The following NRXN3 variants were observed in gnomAD, a reference collection of about 807,000 sequenced individuals.
NRXN3 encodes neurexin 3, also known as neurexin III.
In NRXN3, 32 loss-of-function variants were observed where a neutral mutation model predicts 137.6. The observed-to-expected ratio is 0.23, with a 90% CI of 0.18 to 0.31. NRXN3 has a LOEUF of 0.31. Ranked by LOEUF, NRXN3 falls within the 10% of genes least tolerant of loss-of-function variation. The pLI, the probability that NRXN3 is intolerant of heterozygous loss-of-function variation, is 1.00. For synonymous variants in NRXN3, 798 were observed against 784.5 expected (o/e 1.02, Z -0.29); for missense variants, 1,574 against 2,062.5 (o/e 0.76, Z 4.59).
intron 4 of NRXN3, among the ~76,000 whole-genome samples, chr14:78,326,273 C>T (rs75000663): frequency 0.16 from 24,440 of 152,220 alleles, 2,070 homozygotes; most frequent in Middle Eastern, 0.22. Context: ...CTCATCTCTA[C>T]ACTGACCCAG....
At chr14:79,330,669 G>A (rs1328178044) in intron 15 of NRXN3, among the ~76,000 whole-genome samples, 2 of 152,140 alleles carry the variant, frequency 1.3e-5, no homozygotes, top group Non-Finnish European at 2.9e-5. Flanking sequence ...TTAGACCAGC[G>A]ACAGCAGATA....
At chr14:78,961,423 C>T (rs914490012) in intron 11 of NRXN3, among the ~76,000 whole-genome samples, 1 of 151,878 alleles carries the variant, frequency 6.6e-6, no homozygotes, top group Non-Finnish European at 1.5e-5. Flanking sequence ...CACTGGGGGA[C>T]ATATAGAAGA....
chr14:79,426,923 G>T (rs1206348613), intron 15 of NRXN3, among the ~76,000 whole-genome samples: 1 of 152,104 alleles, frequency 6.6e-6, no homozygotes, highest in Non-Finnish European at 1.5e-5. Context: ...TCTTTAGCCT[G>T]CGTCTGTTTT....
In NRXN3 at chr14:79,211,951, G is replaced by A. The variant is rs140591100; in HGVS notation, c.3262+223810G>A. On this transcript the variant is annotated intron_variant, in intron 15 of 20. Transcript: ENST00000335750. ...AATTAAAACACTTGAGGCTGGACTTGTCAAGAGACCTATTTTTGTTTTGTT... is the reference window on the plus strand; with the variant it reads ...AATTAAAACACTTGAGGCTGGACTTATCAAGAGACCTATTTTTGTTTTGTT... 2.6e-5 allele frequency among the ~76,000 whole-genome samples: 4 copies of A among 152,300 alleles called. No homozygotes were observed. In the East Asian group the frequency reaches 7.7e-4, roughly 29 times the overall value.
intron 3 of NRXN3, chr14:78,282,358 A>G (rs947931569): frequency 6.0e-6 from 2 of 334,696 alleles, no homozygotes; most frequent in Admixed American, 7.5e-5. Flanking sequence ...TCTGGGTGTG[A>G]GACCCTTCTT....
intron 16 of NRXN3, among the ~76,000 whole-genome samples, chr14:79,651,072 G>GTAAT (rs2098473506): frequency 6.6e-6 from 1 of 152,208 alleles, no homozygotes; most frequent in Non-Finnish European, 1.5e-5. Flanking sequence ...CAATTAACTG[G>GTAAT]TAATAGGATG....
At chr14:78,239,302 C>G (rs1023998251) in intron 1 of NRXN3, among the ~76,000 whole-genome samples, 1 of 152,162 alleles carries the variant, frequency 6.6e-6, no homozygotes, top group Non-Finnish European at 1.5e-5. Context: ...GTAAACTTGT[C>G]CCCCACTAGT....
chr14:79,825,588 C>T, intron 20 of NRXN3, among the ~76,000 whole-genome samples: 1 of 152,204 alleles, frequency 6.6e-6, no homozygotes, highest in East Asian at 1.9e-4. Flanking sequence ...AAGTGCTTCA[C>T]TTTAACTTTT....
chr14:78,547,936 T>C (rs972252100), intron 4 of NRXN3, among the ~76,000 whole-genome samples: 1 of 152,146 alleles, frequency 6.6e-6, no homozygotes, highest in Non-Finnish European at 1.5e-5. Context: ...GCATTATTAA[T>C]ACAGTTCAGG....
chr14:79,725,756 C>T (rs1351357909), intron 19 of NRXN3, among the ~76,000 whole-genome samples: 1 of 152,104 alleles, frequency 6.6e-6, no homozygotes, highest in Non-Finnish European at 1.5e-5. Context: ...TATGAATAAA[C>T]AACACTAGCT....
chr14:79,368,704 A>AT (rs1254917700), intron 15 of NRXN3, among the ~76,000 whole-genome samples: 3 of 152,238 alleles, frequency 2.0e-5, no homozygotes, highest in African/African-American at 7.2e-5. Flanking sequence ...TACCAGGAAA[A>AT]TAAAAGCAGC....
chr14:79,409,964 T>C (rs78229510), intron 15 of NRXN3, among the ~76,000 whole-genome samples: 5,037 of 151,884 alleles, frequency 0.033, 291 homozygotes, highest in African/African-American at 0.12. Context: ...TGTCTTTGGG[T>C]AAAAGGAATA....
chr14:79,292,797 A>G (rs1362287421), intron 15 of NRXN3, among the ~76,000 whole-genome samples: 2 of 152,236 alleles, frequency 1.3e-5, no homozygotes, highest in Non-Finnish European at 2.9e-5. Context: ...TGTAACAGAA[A>G]ACCTTCATAG....
intron 2 of NRXN3, among the ~76,000 whole-genome samples, chr14:78,270,135 T>C (rs1198104545): frequency 6.6e-6 from 1 of 152,166 alleles, no homozygotes; most frequent in African/African-American, 2.4e-5. Context: ...AGAGCCAGGA[T>C]TGTCATCCAA....
chr14:79,349,532 C>T (rs1458398302), intron 15 of NRXN3, among the ~76,000 whole-genome samples: 3 of 137,724 alleles, frequency 2.2e-5, no homozygotes, highest in Non-Finnish European at 3.0e-5. Flanking sequence ...CCGTCCTCCC[C>T]GGGAAAAAAA....
chr14:78,845,474 T>C (rs1240727014), intron 10 of NRXN3, among the ~76,000 whole-genome samples: 3 of 152,048 alleles, frequency 2.0e-5, no homozygotes, highest in African/African-American at 7.2e-5. Context: ...TTCATATGAT[T>C]GCATTTATAT....
At chr14:78,717,796 C>T (rs532408360) in intron 8 of NRXN3, among the ~76,000 whole-genome samples, 20 of 152,188 alleles carry the variant, frequency 1.3e-4, no homozygotes, top group African/African-American at 4.1e-4. Context: ...TACTTGTGAA[C>T]AAGGGGTGTA....
chr14:79,855,210 CTTAAGA>C (rs1399876835), intron 20 of NRXN3, among the ~76,000 whole-genome samples: 2 of 152,168 alleles, frequency 1.3e-5, no homozygotes. Context: ...ATTCCTTCAC[CTTAAGA>C]TTATTTGAAC....
At chr14:79,042,065 G>C (rs1440364553) in intron 15 of NRXN3, among the ~76,000 whole-genome samples, 1 of 152,120 alleles carries the variant, frequency 6.6e-6, no homozygotes, top group Non-Finnish European at 1.5e-5. Context: ...AAGTTAGCCC[G>C]GTAGGGTATT....
Sources: gnomAD v4.1 joint callset for allele counts (sites outside exome capture counted in the v4.1 genomes callset) on GRCh38, gnomAD v4.1.1 for gene constraint, MANE v1.5 for transcripts, NCBI Gene and HGNC (gene_info 2026-07-23, HGNC 2026-07-21) for gene names.